TJAP1: variants seen among roughly 807,000 people sequenced by gnomAD.
TJAP1 encodes tight junction associated protein 1.
Under a neutral mutation model 42.0 loss-of-function variants are expected in TJAP1, and 27 were observed. That is an observed-to-expected ratio of 0.64 (90% CI 0.47 to 0.89). TJAP1 has a LOEUF of 0.89. Ranked by LOEUF, TJAP1 falls within the 40% of genes least tolerant of loss-of-function variation. The pLI is 0.00. For synonymous variants in TJAP1, 257 were observed against 288.4 expected (o/e 0.89, Z 1.10); for missense variants, 712 against 726.9 (o/e 0.98, Z 0.24).
Position 43,503,769 on chromosome 6 carries a change from A to C in TJAP1, c.579+63A>C, listed in dbSNP as rs764769157. 4.5e-4 allele frequency: 647 copies of C among 1,429,116 alleles called. 1 individual carries two copies. Among genetic ancestry groups the C allele is most frequent in the Non-Finnish European group, 6.1e-4 (620 of 1,011,858 alleles). 88.5% of individuals were successfully genotyped at this position (1,429,116 alleles called of 1,614,324 possible). On this transcript the variant is annotated intron_variant, in intron 10 of 10. Coordinates refer to ENST00000372449, the Ensembl canonical transcript of TJAP1. ...ATTCCGGCCACTGTAGGACTCCTCTAACTCCAGTTTCTGCACCTCTCTCTG... is the reference window on the plus strand; with the variant it reads ...ATTCCGGCCACTGTAGGACTCCTCTCACTCCAGTTTCTGCACCTCTCTCTG...
chr6:43,501,752 A>ACACG, intron 6 of TJAP1, 65 bp downstream of exon 6: 1 of 596,694 alleles, frequency 1.7e-6, no homozygotes, highest in Non-Finnish European at 3.1e-6. Context: ...ACACACACAC[A>ACACG]CACACACTCT....
At chr6:43,498,782 A>G in intron 3 of TJAP1, 196 bp from the exon 4 acceptor site, 1 of 499,652 alleles carries the variant, frequency 2.0e-6, no homozygotes, top group Non-Finnish European at 3.6e-6. Context: ...CCCATGCCCC[A>G]CCCTCCAGCA....
Position 43,505,635 on chromosome 6 carries a change from A to G in TJAP1, c.1454A>G (p.Glu485Gly), listed in dbSNP as rs769995165. Residue 485 changes from glutamate (E) to glycine (G), a missense_variant, in exon 11 of 11, where the codon GAG becomes GGG. Coordinates refer to ENST00000372449, the Ensembl canonical transcript of TJAP1. This position sits in a 1 kb window ranked among gnomAD's most constrained non-coding sequence, Gnocchi z 5.5. The stretch of plus-strand genomic sequence containing the variant: ...TCTGGCTTTCCCAGGGAGGAAGAAG[A>G]GCTGAACCTGCCTATCAGTCCTGAG... The G allele has an allele frequency of 5.6e-6, 9 of 1,613,282 alleles. No individual in the cohort carries two copies. The Admixed American group carries it at 1.5e-4, about 27-fold the overall frequency.
At chr6:43,484,076 T>TAA (rs1274271660) in intron 2 of TJAP1, among the ~76,000 whole-genome samples, 237 of 149,184 alleles carry the variant, frequency 1.6e-3, no homozygotes, top group African/African-American at 3.8e-3. Flanking sequence ...CTAAAAAAAT[T>TAA]AAAAACAAAA....
intron 2 of TJAP1, among the ~76,000 whole-genome samples, chr6:43,480,610 G>A (rs187051827): frequency 2.6e-5 from 4 of 152,274 alleles, no homozygotes; most frequent in Admixed American, 6.5e-5. Flanking sequence ...CGCCTCCCAG[G>A]TTGAAGTGAT....
chr6:43,504,745 T>C lies in TJAP1; in HGVS notation c.580-16T>C. The C allele has an allele frequency of 6.2e-7, 1 of 1,604,074 alleles. No individual in the cohort carries two copies. The highest frequency in any genetic ancestry group is 1.1e-5 in the South Asian group (1 of 90,650). On this transcript the variant is annotated splice_polypyrimidine_tract_variant and intron_variant, in intron 10 of 10. Transcript: ENST00000372449. The stretch of plus-strand genomic sequence containing the variant: ...TGCGATCATTGATGTCTCTCTTTCC[T>C]GCTCTTTTACCTCAGCTGCCCTGTG...
intron 10 of TJAP1, chr6:43,503,916 C>T: frequency 1.4e-6 from 1 of 708,508 alleles, no homozygotes; most frequent in South Asian, 1.5e-5. Flanking sequence ...GGGGGCCAGC[C>T]CTGTTGGTTT....
At chr6:43,498,154 C>A (rs995637561) in intron 3 of TJAP1, among the ~76,000 whole-genome samples, 177 bp downstream of exon 3, 6 of 152,198 alleles carry the variant, frequency 3.9e-5, no homozygotes, top group Non-Finnish European at 7.3e-5. Flanking sequence ...GAGACTCCCA[C>A]TGGGGATCCT....
chr6:43,493,951 T>C (rs563552195), intron 2 of TJAP1, among the ~76,000 whole-genome samples: 7 of 152,320 alleles, frequency 4.6e-5, no homozygotes, highest in Non-Finnish European at 7.4e-5. Context: ...TAAAGGACAC[T>C]GCTCAGCCAG....
intron 2 of TJAP1, among the ~76,000 whole-genome samples, chr6:43,481,988 C>T (rs372963691): frequency 1.5e-3 from 221 of 152,338 alleles, no homozygotes; most frequent in Middle Eastern, 3.4e-3. Flanking sequence ...TCTGCACTGG[C>T]CCTCTGATGA....
intron 7 of TJAP1, 22 bp downstream of exon 7, chr6:43,502,371 C>G: frequency 6.2e-7 from 1 of 1,611,934 alleles, no homozygotes; most frequent in Admixed American, 1.7e-5. Context: ...GGGAGGGCAG[C>G]TTGGTGGGCA....
chr6:43,503,741 AC>A, intron 10 of TJAP1, 35 bp downstream of exon 10: 2 of 1,588,622 alleles, frequency 1.3e-6, no homozygotes, highest in Non-Finnish European at 1.7e-6. Context: ...GCCCACATAG[AC>A]CATTCCGGCC....
intron 2 of TJAP1, among the ~76,000 whole-genome samples, chr6:43,490,066 G>A (rs1043363657): frequency 1.3e-5 from 2 of 152,334 alleles, no homozygotes; most frequent in Middle Eastern, 3.4e-3. Flanking sequence ...GCCCTGGGGT[G>A]CCACCAGCAG....
chr6:43,482,111 A>G (rs1273044206), intron 2 of TJAP1, among the ~76,000 whole-genome samples: 1 of 152,160 alleles, frequency 6.6e-6, no homozygotes. Flanking sequence ...AGTGTATTTT[A>G]TCTTGCATTG....
chr6:43,502,941 A>C (rs1024263694), intron 8 of TJAP1: 1 of 511,844 alleles, frequency 2.0e-6, no homozygotes, highest in Non-Finnish European at 3.5e-6. Flanking sequence ...TGGAGATCAG[A>C]AGGCTACTTT....
Position 43,491,637 on chromosome 6 carries a change from AT to A in TJAP1, c.-121-6243del, listed in dbSNP as rs1193658074. On this transcript the variant is annotated intron_variant, in intron 2 of 10. Coordinates refer to ENST00000372449, the Ensembl canonical transcript of TJAP1. The surrounding 1 kb of genome is among the most constrained non-coding windows in gnomAD (Gnocchi z 4.6). The stretch of plus-strand genomic sequence containing the variant: ...AATGCACTACGTCCAATAAATGAAT[AT>A]ATGTACTATGCAATATTAAGGATTT... Among the ~76,000 whole-genome samples, 5 of 152,202 alleles carry A rather than the reference AT, an allele frequency of 3.3e-5. No homozygotes were observed. Among genetic ancestry groups the A allele is most frequent in the Non-Finnish European group, 7.3e-5 (5 of 68,040 alleles).
intron 2 of TJAP1, among the ~76,000 whole-genome samples, chr6:43,480,332 G>A (rs1015225179): frequency 7.2e-5 from 11 of 152,164 alleles, no homozygotes; most frequent in Non-Finnish European, 1.5e-4. Flanking sequence ...TTTGTCGTGA[G>A]AATATCCTCA....
intron 2 of TJAP1, among the ~76,000 whole-genome samples, chr6:43,486,376 G>A (rs998572303): frequency 1.6e-5 from 2 of 128,066 alleles, no homozygotes; most frequent in Non-Finnish European, 3.2e-5. Flanking sequence ...TTTTTTTTGA[G>A]ATGGAGTCTT....
intron 4 of TJAP1, among the ~76,000 whole-genome samples, chr6:43,499,411 G>T (rs985772681): frequency 1.3e-5 from 2 of 152,264 alleles, no homozygotes; most frequent in Non-Finnish European, 1.5e-5. Context: ...ATCTGCTAGT[G>T]GTTGGGACTC....
Sources: allele counts gnomAD v4.1 joint callset (sites outside exome capture counted in the v4.1 genomes callset), GRCh38; gene constraint gnomAD v4.1.1; non-coding constraint Gnocchi (gnomAD v3.1); transcripts MANE v1.5; gene names NCBI Gene and HGNC (gene_info 2026-07-23, HGNC 2026-07-21).